The following CLSTN2 variants were observed in gnomAD, a reference collection of about 807,000 sequenced individuals.
CLSTN2 encodes the protein calsyntenin 2, also known as calsyntenin-2.
CLSTN2 carries 48 observed loss-of-function variants against 101.2 expected under a neutral mutation model. The ratio of observed to expected loss-of-function variants is 0.47; its 90% confidence interval spans 0.38 to 0.60. The LOEUF (loss-of-function observed/expected upper bound fraction) is 0.60, where lower values mean the gene tolerates loss of function less well. Among genes scored for constraint, CLSTN2 ranks in the 20% least tolerant of loss-of-function variants. The probability of loss-of-function intolerance (pLI) is 0.00; values close to 1 mark genes in which losing one functional copy is unlikely to be tolerated. For synonymous variants in CLSTN2, 481 were observed against 463.6 expected, an observed-to-expected ratio of 1.04 and a Z score of -0.48; for missense variants, 1,160 against 1,238.2, an observed-to-expected ratio of 0.94 and a Z score of 0.95.
At chr3:140,485,194 G>C (rs1452673742) in intron 8 of CLSTN2, among the ~76,000 whole-genome samples, 3 of 152,220 alleles carry the variant, frequency 2.0e-5, no homozygotes, top group African/African-American at 7.2e-5. Context: ...CTCAGCCACA[G>C]GTCTGTTGGA....
intron 1 of CLSTN2, among the ~76,000 whole-genome samples, chr3:140,141,902 C>T (rs1241772199): frequency 2.0e-5 from 3 of 152,162 alleles, no homozygotes; most frequent in South Asian, 2.1e-4. Context: ...TCAGAAGCTG[C>T]GCTTACCCCA....
chr3:139,955,496 G>A (rs1363731413), intron 1 of CLSTN2, among the ~76,000 whole-genome samples: 1 of 85,042 alleles, frequency 1.2e-5, no homozygotes, highest in African/African-American at 3.4e-5. Context: ...TGTGGCTCGG[G>A]CATTTAGACA....
In CLSTN2 at chr3:140,202,753, A is replaced by G. The variant is rs1436386950; in HGVS notation, c.232+26680A>G. Among the ~76,000 whole-genome samples the G allele has an allele frequency of 2.6e-5, 4 of 151,726 alleles. No homozygotes were observed. In the East Asian group the frequency reaches 7.7e-4, roughly 29 times the overall value. ...TAAATGGCCAGTGTGTTAGGAGGAA[A>G]CCAAGAGAGTCAAGTGTCCAGAAGC... On this transcript the variant is annotated intron_variant, in intron 2 of 16. Coordinates refer to ENST00000458420, the MANE Select transcript of CLSTN2 (RefSeq NM_022131.3).
intron 2 of CLSTN2, among the ~76,000 whole-genome samples, chr3:140,373,347 C>G (rs993145293): frequency 6.6e-6 from 1 of 152,170 alleles, no homozygotes; most frequent in African/African-American, 2.4e-5. Context: ...AAGATGGCCT[C>G]TTCCCCCTAC....
At chr3:140,504,656 T>C (rs1336021306) in intron 8 of CLSTN2, among the ~76,000 whole-genome samples, 1 of 152,174 alleles carries the variant, frequency 6.6e-6, no homozygotes, top group African/African-American at 2.4e-5. Flanking sequence ...TATATTCACA[T>C]TTTCTTACAT....
At chr3:140,469,516 A>G (rs1933785449) in intron 8 of CLSTN2, among the ~76,000 whole-genome samples, 1 of 152,148 alleles carries the variant, frequency 6.6e-6, no homozygotes, top group South Asian at 2.1e-4. Context: ...CATACCTAGT[A>G]AGGTCACCTC....
At chr3:140,447,386 C>A (rs1417261656) in intron 5 of CLSTN2, among the ~76,000 whole-genome samples, 1 of 152,216 alleles carries the variant, frequency 6.6e-6, no homozygotes, top group African/African-American at 2.4e-5. Flanking sequence ...GGGAGGCAAA[C>A]ACATGTCGTC....
intron 1 of CLSTN2, among the ~76,000 whole-genome samples, chr3:140,108,036 C>A (rs2009092305): frequency 6.6e-6 from 1 of 152,248 alleles, no homozygotes; most frequent in East Asian, 1.9e-4. Flanking sequence ...ATAAGGGACA[C>A]CCTCAAGAAA....
intron 1 of CLSTN2, among the ~76,000 whole-genome samples, chr3:139,974,976 G>T (rs73224964): frequency 0.14 from 21,125 of 152,118 alleles, 1,497 homozygotes; most frequent in African/African-American, 0.16. Flanking sequence ...TGGGGTGAGG[G>T]TGCTATCTCA....
At chr3:140,446,533 T>C (rs371161164) in intron 5 of CLSTN2, among the ~76,000 whole-genome samples, 1 of 152,276 alleles carries the variant, frequency 6.6e-6, no homozygotes, top group East Asian at 1.9e-4. Context: ...GTCTCCTTCC[T>C]TGACAGGGAA....
At chr3:140,179,333 T>G (rs1214637483) in intron 2 of CLSTN2, among the ~76,000 whole-genome samples, 1 of 151,108 alleles carries the variant, frequency 6.6e-6, no homozygotes, top group Non-Finnish European at 1.5e-5. Flanking sequence ...TTTCAAAAAT[T>G]GTGATCATGC....
At chr3:140,118,803 A>C (rs1385417034) in intron 1 of CLSTN2, among the ~76,000 whole-genome samples, 1 of 152,204 alleles carries the variant, frequency 6.6e-6, no homozygotes, top group East Asian at 1.9e-4. Flanking sequence ...CTACTAAGGC[A>C]GAAATGCGTG....
chr3:140,536,120 T>TAAA (rs112885962), intron 9 of CLSTN2, among the ~76,000 whole-genome samples: 1 of 151,850 alleles, frequency 6.6e-6, no homozygotes, highest in Non-Finnish European at 1.5e-5. Flanking sequence ...GCTTTGGGGT[T>TAAA]AAAAAAAAGT....
chr3:140,569,384 G>A lies in CLSTN2; in HGVS notation c.*3131G>A, dbSNP rs1451019995. ...CCCAGTTCATTGCTTGTCTTGCCAAGTGGACAACCAGATTCTGCCTTCCTG... is the reference window on the plus strand; with the variant it reads ...CCCAGTTCATTGCTTGTCTTGCCAAATGGACAACCAGATTCTGCCTTCCTG... On this transcript the variant is annotated 3_prime_UTR_variant, in exon 17 of 17. Coordinates refer to ENST00000458420, the MANE Select transcript of CLSTN2 (RefSeq NM_022131.3). 3 of 152,200 alleles carry A rather than the reference G, an allele frequency of 2.0e-5. No homozygotes were observed. Among genetic ancestry groups the A allele is most frequent in the Admixed American group, 6.5e-5 (1 of 15,280 alleles). 9.4% of individuals were successfully genotyped at this position (152,200 alleles called of 1,614,324 possible).
At chr3:139,950,324 G>T (rs931973857) in intron 1 of CLSTN2, among the ~76,000 whole-genome samples, 1 of 152,172 alleles carries the variant, frequency 6.6e-6, no homozygotes, top group Non-Finnish European at 1.5e-5. Context: ...CTGAGGGACA[G>T]TCCCCAGGCA....
At chr3:140,459,187 C>A (rs575655848) in intron 6 of CLSTN2, among the ~76,000 whole-genome samples, 36 of 152,310 alleles carry the variant, frequency 2.4e-4, no homozygotes, top group African/African-American at 8.2e-4. Flanking sequence ...CCATCCAAAT[C>A]AAATCCTGGC....
intron 2 of CLSTN2, among the ~76,000 whole-genome samples, chr3:140,206,326 C>A (rs929024711): frequency 6.6e-6 from 1 of 152,196 alleles, no homozygotes; most frequent in Non-Finnish European, 1.5e-5. Context: ...ATAGATTGGG[C>A]TAGCCCTGCA....
intron 6 of CLSTN2, among the ~76,000 whole-genome samples, chr3:140,448,931 C>A (rs972976125): frequency 6.6e-6 from 1 of 152,102 alleles, no homozygotes; most frequent in African/African-American, 2.4e-5. Flanking sequence ...TGGCCTTGGG[C>A]AAGTGACATG....
chr3:139,989,896 A>G (rs763139556), intron 1 of CLSTN2, among the ~76,000 whole-genome samples: 3 of 152,232 alleles, frequency 2.0e-5, no homozygotes, highest in Non-Finnish European at 4.4e-5. Flanking sequence ...GTGTAATGTG[A>G]AAGTTTTAAT....
Sources: allele counts gnomAD v4.1 joint callset (sites outside exome capture counted in the v4.1 genomes callset), GRCh38; gene constraint gnomAD v4.1.1; transcripts MANE v1.5; gene names NCBI Gene and HGNC (gene_info 2026-07-23, HGNC 2026-07-21).